PCDH11Y: variants seen among roughly 807,000 people sequenced by gnomAD.
PCDH11Y encodes protocadherin-11 Y-linked.
For missense variants in PCDH11Y, 12 were observed against 224.8 expected (o/e 0.05, Z 6.05); for synonymous variants, 9 against 83.6 (o/e 0.11, Z 4.87).
chrY:5,708,741 C>T, intron 4 of PCDH11Y, among the ~76,000 whole-genome samples: 1 of 33,314 alleles, frequency 3.0e-5, no homozygotes, highest in Admixed American at 2.7e-4. Context: ...AAATTGTTAT[C>T]AGTGAGACAA....
At chrY:5,591,156 A>T (rs2053461239) in intron 4 of PCDH11Y, among the ~76,000 whole-genome samples, 1 of 32,303 alleles carries the variant, frequency 3.1e-5, no homozygotes, top group Non-Finnish European at 7.6e-5. Context: ...GTGTCAAGGG[A>T]AGGAGGTGAT....
At chrY:5,182,360 G>A (rs2571844) in intron 2 of PCDH11Y, among the ~76,000 whole-genome samples, 1 of 32,032 alleles carries the variant, frequency 3.1e-5, no homozygotes, top group Non-Finnish European at 7.5e-5. Flanking sequence ...AGGAGGAGAC[G>A]GGATACCCAT....
At position 5,241,786 on chromosome Y, in the gene PCDH11Y, A is replaced by G. The variant is rs2124655564; in HGVS notation, c.3129+141079A>G. On this transcript the variant is annotated intron_variant, in intron 2 of 4. Coordinates refer to the PCDH11Y transcript ENST00000400457. ...AGTGTAACTAGATTGTTTGTAACACAAAATATAAATGCCTGAAGTGACGGA... is the reference window on the plus strand; with the variant it reads ...AGTGTAACTAGATTGTTTGTAACACGAAATATAAATGCCTGAAGTGACGGA... Among the ~76,000 whole-genome samples, 6 of 32,831 alleles carry G rather than the reference A, an allele frequency of 1.8e-4. No individual in the cohort carries two copies. In the South Asian group the frequency reaches 4.1e-3, roughly 23 times the overall value. The allele number at this position is 32,831 out of a possible 37,273, so 88.1% of individuals were successfully genotyped here.
At chrY:5,534,470 G>T in intron 3 of PCDH11Y, among the ~76,000 whole-genome samples, 2 of 33,558 alleles carry the variant, frequency 6.0e-5, no homozygotes, top group African/African-American at 2.3e-4. Flanking sequence ...CTGTTTCTGT[G>T]TTAGTTTGCT....
At chrY:5,311,157 G>T in intron 2 of PCDH11Y, among the ~76,000 whole-genome samples, 1 of 32,398 alleles carries the variant, frequency 3.1e-5, no homozygotes, top group Non-Finnish European at 7.5e-5. Flanking sequence ...ATAGATATAA[G>T]TTCCATAAAG....
At chrY:5,343,968 C>T in intron 2 of PCDH11Y, among the ~76,000 whole-genome samples, 1 of 32,358 alleles carries the variant, frequency 3.1e-5, no homozygotes, top group East Asian at 8.1e-4. Context: ...CAGAACCAGA[C>T]CTTATAGGCA....
At chrY:5,614,878 T>TA (rs2053491421) in intron 4 of PCDH11Y, among the ~76,000 whole-genome samples, 1 of 30,375 alleles carries the variant, frequency 3.3e-5, no homozygotes, top group Non-Finnish European at 7.6e-5. Flanking sequence ...AGACTGGGAA[T>TA]AAAAAGAGGT....
intron 2 of PCDH11Y, among the ~76,000 whole-genome samples, chrY:5,399,156 A>C: frequency 3.0e-5 from 1 of 32,958 alleles, no homozygotes; most frequent in African/African-American, 1.2e-4. Flanking sequence ...GGACTTGATA[A>C]GATACGCCAA....
intron 2 of PCDH11Y, among the ~76,000 whole-genome samples, chrY:5,433,139 G>T (rs2053270359): frequency 5.9e-5 from 2 of 33,907 alleles, no homozygotes; most frequent in Non-Finnish European, 1.5e-4. Flanking sequence ...TTTATTCAAA[G>T]AATGTAAATT....
intron 1 of PCDH11Y, among the ~76,000 whole-genome samples, chrY:5,014,969 A>G (rs2052559253): frequency 3.0e-5 from 1 of 33,539 alleles, no homozygotes; most frequent in Non-Finnish European, 7.4e-5. Context: ...GCTGTTAGAG[A>G]AGCAAACCCT....
chrY:5,080,861 C>A (rs2052718141), intron 1 of PCDH11Y, among the ~76,000 whole-genome samples: 1 of 30,831 alleles, frequency 3.2e-5, no homozygotes, highest in Admixed American at 3.0e-4. Context: ...TGTGCAGAAG[C>A]TCTTTAATTA....
intron 1 of PCDH11Y, among the ~76,000 whole-genome samples, chrY:5,086,212 C>T: frequency 3.0e-5 from 1 of 33,239 alleles, no homozygotes; most frequent in Admixed American, 2.8e-4. Flanking sequence ...GGCTCTGACA[C>T]ATTCTTCAGT....
chrY:5,064,665 C>CT lies in PCDH11Y; in HGVS notation c.636+7208dup, dbSNP rs2052682658. 2.6e-4 allele frequency among the ~76,000 whole-genome samples: 4 copies of CT among 15,275 alleles called. No individual in the cohort carries two copies. The East Asian group carries it at 0.034, about 128-fold the overall frequency. 41.0% of individuals were successfully genotyped at this position (15,275 alleles called of 37,273 possible). On this transcript the variant is annotated intron_variant, in intron 1 of 1. Coordinates refer to ENST00000215473, the Ensembl canonical transcript of PCDH11Y. ...TATTTATTTTATATATACATACATA[C>CT]TTGTGTGTGTGTGTGTGTGTGTGTG...
At chrY:5,450,321 CTTATG>C (rs2053292129) in intron 2 of PCDH11Y, among the ~76,000 whole-genome samples, 2 of 32,992 alleles carry the variant, frequency 6.1e-5, no homozygotes, top group African/African-American at 2.3e-4. Flanking sequence ...TTGATTTATT[CTTATG>C]TTATATTTGA....
chrY:5,298,427 G>A, intron 2 of PCDH11Y, among the ~76,000 whole-genome samples: 2 of 32,980 alleles, frequency 6.1e-5, no homozygotes, highest in African/African-American at 1.2e-4. Flanking sequence ...CTGGGAGGCC[G>A]TACCCATTTT....
chrY:5,507,571 T>G (rs2053360060), intron 3 of PCDH11Y, among the ~76,000 whole-genome samples: 21 of 33,041 alleles, frequency 6.4e-4, no homozygotes, highest in Non-Finnish European at 1.1e-3. Context: ...CTAAGATGAG[T>G]GTATCTTTAA....
chrY:5,383,721 C>T, intron 2 of PCDH11Y, among the ~76,000 whole-genome samples: 3 of 31,486 alleles, frequency 9.5e-5, no homozygotes, highest in African/African-American at 3.7e-4. Flanking sequence ...TAGGTTTAAG[C>T]GATTCTCCTG....
At chrY:5,178,260 A>G in intron 2 of PCDH11Y, among the ~76,000 whole-genome samples, 12 of 33,596 alleles carry the variant, frequency 3.6e-4, no homozygotes, top group Admixed American at 3.0e-3. Flanking sequence ...ACAAATTGCT[A>G]TCTACCTTTG....
At chrY:5,329,992 G>T (rs2053128351) in intron 2 of PCDH11Y, among the ~76,000 whole-genome samples, 1 of 33,799 alleles carries the variant, frequency 3.0e-5, no homozygotes, top group African/African-American at 1.2e-4. Context: ...GCGCGTCCGT[G>T]TGAAGAGACC....
Sources: allele counts gnomAD v4.1 joint callset (sites outside exome capture counted in the v4.1 genomes callset), GRCh38; gene constraint gnomAD v4.1.1; transcripts MANE v1.5; gene names NCBI Gene and HGNC (gene_info 2026-07-23, HGNC 2026-07-21).